Variants in TENM4 observed in about 807,000 individuals in gnomAD.
TENM4 encodes the protein teneurin transmembrane protein 4.
A neutral mutation model predicts 243.3 loss-of-function variants in TENM4; 82 were observed. The observed-to-expected ratio is 0.34, with a 90% CI of 0.28 to 0.40. The LOEUF (loss-of-function observed/expected upper bound fraction) is 0.40. Among genes scored for constraint, TENM4 ranks in the 10% least tolerant of loss-of-function variants. TENM4 has a pLI of 1.00. For synonymous variants in TENM4, 1,412 were observed against 1,456.3 expected (o/e 0.97, Z 0.69); for missense variants, 3,138 against 3,673.3 (o/e 0.85, Z 3.77).
intron 1 of TENM4, among the ~76,000 whole-genome samples, chr11:79,298,384 G>A (rs11826615): frequency 1.3e-5 from 2 of 150,700 alleles, no homozygotes; most frequent in Non-Finnish European, 3.0e-5. Flanking sequence ...GCGCGGTGGC[G>A]GGCGCCTGTA....
At chr11:78,797,300 T>C (rs572695882) in intron 15 of TENM4, among the ~76,000 whole-genome samples, 47 of 152,324 alleles carry the variant, frequency 3.1e-4, no homozygotes, top group African/African-American at 1.1e-3. Context: ...AGCACGTACA[T>C]GAAGGAGCTC....
intron 25 of TENM4, among the ~76,000 whole-genome samples, chr11:78,713,378 AAGAGCAGTGCTAATG>A: frequency 6.6e-6 from 1 of 152,344 alleles, no homozygotes; most frequent in African/African-American, 2.4e-5. Flanking sequence ...AGCAACACAG[AAGAGCAGTGCTAATG>A]ATGGTTCTGT....
chr11:78,989,935 A>G (rs1858001196), intron 6 of TENM4, among the ~76,000 whole-genome samples: 1 of 152,018 alleles, frequency 6.6e-6, no homozygotes, highest in African/African-American at 2.4e-5. Flanking sequence ...GTGGTGGCAT[A>G]TAATTGTAGT....
intron 3 of TENM4, among the ~76,000 whole-genome samples, chr11:79,209,934 G>A (rs751046397): frequency 1.3e-5 from 2 of 152,142 alleles, no homozygotes; most frequent in African/African-American, 2.4e-5. Context: ...ATCTCTTAGA[G>A]CCAAAAATAT....
chr11:79,382,820 A>C (rs1858032258), intron 1 of TENM4, among the ~76,000 whole-genome samples: 1 of 152,188 alleles, frequency 6.6e-6, no homozygotes, highest in South Asian at 2.1e-4. Flanking sequence ...CCTTGGAAGA[A>C]TATTTATGAG....
intron 20 of TENM4, among the ~76,000 whole-genome samples, chr11:78,738,108 A>T (rs1459168609): frequency 1.3e-5 from 2 of 152,230 alleles, no homozygotes; most frequent in Admixed American, 1.3e-4. Context: ...GATGGAAACC[A>T]CATAACAGGA....
intron 4 of TENM4, among the ~76,000 whole-genome samples, chr11:79,114,363 A>T (rs1396887492): frequency 2.0e-5 from 3 of 152,178 alleles, no homozygotes; most frequent in Admixed American, 6.5e-5. Context: ...AAGGGAGGAG[A>T]TTAATATCTT....
chr11:79,397,515 C>T (rs1038025280), intron 1 of TENM4, among the ~76,000 whole-genome samples: 1 of 152,206 alleles, frequency 6.6e-6, no homozygotes, highest in African/African-American at 2.4e-5. Flanking sequence ...CCTGAGTTAA[C>T]TGGCTATCTC....
intron 12 of TENM4, among the ~76,000 whole-genome samples, chr11:78,834,987 C>T (rs1296492385): frequency 6.6e-6 from 1 of 152,168 alleles, no homozygotes; most frequent in Non-Finnish European, 1.5e-5. Context: ...CTGCTAACTC[C>T]ATCCACTCTT....
At chr11:79,134,536 C>T (rs1344857724) in intron 4 of TENM4, among the ~76,000 whole-genome samples, 10 of 151,954 alleles carry the variant, frequency 6.6e-5, no homozygotes. Context: ...CCTGCATAGC[C>T]AAAGCAAGAC....
intron 1 of TENM4, among the ~76,000 whole-genome samples, chr11:79,349,341 T>A (rs1224180020): frequency 1.3e-5 from 2 of 152,234 alleles, no homozygotes; most frequent in Non-Finnish European, 2.9e-5. Context: ...TTCACCGACG[T>A]TTCCTTGGAA....
At chr11:79,150,559 C>T (rs759374094) in intron 3 of TENM4, among the ~76,000 whole-genome samples, 5 of 152,170 alleles carry the variant, frequency 3.3e-5, no homozygotes, top group African/African-American at 4.8e-5. Context: ...CTTCACAAAT[C>T]GTTGCCTTGT....
intron 6 of TENM4, among the ~76,000 whole-genome samples, chr11:78,953,395 T>C (rs1293699241): frequency 6.6e-6 from 1 of 152,128 alleles, no homozygotes; most frequent in Non-Finnish European, 1.5e-5. Flanking sequence ...AGGAATCTGC[T>C]TGCCTCCCAG....
At chr11:79,327,400 G>T (rs1469651203) in intron 1 of TENM4, among the ~76,000 whole-genome samples, 3 of 152,136 alleles carry the variant, frequency 2.0e-5, no homozygotes, top group African/African-American at 7.2e-5. Context: ...AAGTACATTG[G>T]AAAGGACCAT....
intron 4 of TENM4, among the ~76,000 whole-genome samples, chr11:79,116,441 G>T (rs529421278): frequency 1.3e-5 from 2 of 152,262 alleles, no homozygotes; most frequent in East Asian, 3.9e-4. Context: ...TGTTGCCACA[G>T]AGAAAAATAG....
chr11:79,253,199 A>C (rs1380958617), intron 2 of TENM4, among the ~76,000 whole-genome samples: 1 of 152,228 alleles, frequency 6.6e-6, no homozygotes, highest in African/African-American at 2.4e-5. Context: ...ATGAACAGAC[A>C]AAGGAATAAC....
At chr11:78,797,320 T>G (rs578216956) in intron 15 of TENM4, among the ~76,000 whole-genome samples, 1 of 152,222 alleles carries the variant, frequency 6.6e-6, no homozygotes, top group Admixed American at 6.5e-5. Context: ...CTGTAAAATA[T>G]AAAATTTCCA....
Position 78,756,804 on chromosome 11 carries a change from C to T in TENM4, c.2756+1G>A, listed in dbSNP as rs1565365724. 1 of 1,612,370 alleles carries T rather than the reference C, an allele frequency of 6.2e-7. No individual in the cohort carries two copies. The highest frequency in any genetic ancestry group is 8.5e-7 in the Non-Finnish European group (1 of 1,179,306). ...GCTGGAGCTGGGGCCCTCGGACTCA[C>T]CCTCCATCAAAGGGGTTCTCCCCGG... On this transcript the variant is annotated splice_donor_variant, in intron 19 of 33. Coordinates refer to ENST00000278550, the MANE Select transcript of TENM4 (RefSeq NM_001098816.3). LOFTEE classifies it high-confidence loss of function.
At chr11:78,879,399 G>T (rs1386833203) in intron 9 of TENM4, among the ~76,000 whole-genome samples, 1 of 150,354 alleles carries the variant, frequency 6.7e-6, no homozygotes, top group African/African-American at 2.5e-5. Flanking sequence ...GCCCTGTCTG[G>T]GAGGTGGGGA....
Sources: gnomAD v4.1 joint callset for allele counts (sites outside exome capture counted in the v4.1 genomes callset) on GRCh38, gnomAD v4.1.1 for gene constraint, MANE v1.5 for transcripts, NCBI Gene and HGNC (gene_info 2026-07-23, HGNC 2026-07-21) for gene names.